The following SCUBE1 variants were observed in gnomAD, a reference collection of about 807,000 sequenced individuals.
SCUBE1 encodes the protein signal peptide, CUB domain and EGF like domain containing 1.
In SCUBE1, 59 loss-of-function variants were observed where a neutral mutation model predicts 124.4. The ratio of observed to expected loss-of-function variants is 0.47; its 90% confidence interval spans 0.38 to 0.59. The LOEUF (loss-of-function observed/expected upper bound fraction) is 0.59. Among genes scored for constraint, SCUBE1 ranks in the 20% least tolerant of loss-of-function variants. The pLI is 0.00. For missense variants in SCUBE1, 1,150 were observed against 1,371.2 expected, an observed-to-expected ratio of 0.84 and a Z score of 2.55; for synonymous variants, 545 against 550.9, an observed-to-expected ratio of 0.99 and a Z score of 0.15.
At chr22:43,296,761 C>T (rs1601869560) in intron 3 of SCUBE1, among the ~76,000 whole-genome samples, 1 of 138,562 alleles carries the variant, frequency 7.2e-6, no homozygotes, top group Non-Finnish European at 1.6e-5. Context: ...TTCCCTCTTC[C>T]GGGCCAAGGC....
chr22:43,287,333 T>C (rs1325644487), intron 4 of SCUBE1, among the ~76,000 whole-genome samples: 1 of 152,216 alleles, frequency 6.6e-6, no homozygotes, highest in Non-Finnish European at 1.5e-5. Context: ...TGCCCTTGAT[T>C]GACCAGAGCA....
intron 1 of SCUBE1, among the ~76,000 whole-genome samples, chr22:43,341,117 G>A (rs905254401): frequency 3.9e-5 from 6 of 152,014 alleles, no homozygotes; most frequent in Admixed American, 1.3e-4. Flanking sequence ...GCACGTGTGC[G>A]CACACACACG....
At chr22:43,335,483 G>A (rs1276979368) in intron 2 of SCUBE1, among the ~76,000 whole-genome samples, 1 of 152,116 alleles carries the variant, frequency 6.6e-6, no homozygotes, top group Non-Finnish European at 1.5e-5. Context: ...CCTCCTTTTG[G>A]TTCCTAACAA....
chr22:43,225,794 C>T (rs974240597), intron 10 of SCUBE1, among the ~76,000 whole-genome samples: 1 of 151,964 alleles, frequency 6.6e-6, no homozygotes, highest in African/African-American at 2.4e-5. Context: ...TAAACCTGCT[C>T]ACCACAGAGC....
intron 13 of SCUBE1, 135 bp downstream of exon 13, chr22:43,221,038 A>T: frequency 1.6e-6 from 1 of 641,196 alleles, no homozygotes; most frequent in Non-Finnish European, 2.7e-6. Context: ...CTCTCATTCA[A>T]TAAACAGCTG....
rs1250114286 is a variant in SCUBE1 at position 43,198,708 on chromosome 22, A to G, written c.*5289T>C. The stretch of plus-strand genomic sequence containing the variant: ...AGACTTCCTGAGCATGGACCAGGGG[A>G]GGTGAAAATGGCTGGACTCCCTGGG... On this transcript the variant is annotated 3_prime_UTR_variant, in exon 22 of 22. Coordinates refer to ENST00000360835, the MANE Select transcript of SCUBE1 (RefSeq NM_173050.5). 4.4e-6 allele frequency: 2 copies of G among 456,622 alleles called. No homozygotes were observed. Among genetic ancestry groups the G allele is most frequent in the Non-Finnish European group, 8.8e-6 (2 of 226,946 alleles). The allele number at this position is 456,622 out of a possible 1,614,324, so 28.3% of individuals were successfully genotyped here. A position where few individuals can be genotyped will look rare whatever the true frequency, so the allele number is the denominator to read the frequency against.
chr22:43,251,718 A>G (rs377694219), intron 6 of SCUBE1, among the ~76,000 whole-genome samples: 1 of 152,238 alleles, frequency 6.6e-6, no homozygotes, highest in Admixed American at 6.5e-5. Flanking sequence ...GACATCTTCA[A>G]TTTAGCCCAG....
chr22:43,229,015 C>G, intron 9 of SCUBE1, 57 bp downstream of exon 9: 1 of 1,281,728 alleles, frequency 7.8e-7, no homozygotes, highest in Non-Finnish European at 1.1e-6. Flanking sequence ...TGTAGGTGGC[C>G]GTGCGGCCAG....
chr22:43,302,390 G>C (rs928792094), intron 3 of SCUBE1, among the ~76,000 whole-genome samples: 11 of 152,294 alleles, frequency 7.2e-5, no homozygotes, highest in African/African-American at 2.2e-4. Flanking sequence ...AAGCGGTCTG[G>C]AGACACAGTG....
chr22:43,312,694 G>T (rs542542974), intron 3 of SCUBE1, among the ~76,000 whole-genome samples: 2 of 152,182 alleles, frequency 1.3e-5, no homozygotes, highest in Non-Finnish European at 2.9e-5. Context: ...GAGCTATGGG[G>T]TGGAGGCGCC....
rs1922376509 is a variant in SCUBE1 at position 43,227,590 on chromosome 22, C to T, written c.1085-94G>A. On this transcript the variant is annotated intron_variant, in intron 9 of 21. Transcript: ENST00000360835. The stretch of plus-strand genomic sequence containing the variant: ...CCCAGGGCAAGAGGGCAAGAATCTC[C>T]TGACCCCACCGAGTCGGACAGCATC... The T allele has an allele frequency of 3.3e-6, 5 of 1,501,314 alleles. No individual in the cohort carries two copies. The Admixed American group carries it at 5.4e-5, about 16-fold the overall frequency. The allele number at this position is 1,501,314 out of a possible 1,614,324, so 93.0% of individuals were successfully genotyped here. A position where few individuals can be genotyped will look rare whatever the true frequency, so the allele number is the denominator to read the frequency against.
chr22:43,244,552 G>C (rs957174674), intron 6 of SCUBE1, among the ~76,000 whole-genome samples: 2 of 152,248 alleles, frequency 1.3e-5, no homozygotes, highest in African/African-American at 2.4e-5. Context: ...GGGCAGGACT[G>C]AAGGGCGAAT....
chr22:43,275,997 G>A lies in SCUBE1; in HGVS notation c.485-13152C>T, dbSNP rs1224552518. ...GCAGGGCAACAGGGGTGAGGAAGCT[G>A]GCTGGGTTTGGGAGGTGAGTAGAGC... On this transcript the variant is annotated intron_variant, in intron 4 of 21. Transcript: ENST00000360835. The A allele has an allele frequency of 3.0e-5, 4 of 134,804 alleles. No homozygotes were observed. In the East Asian group the frequency reaches 1.2e-3, roughly 41 times the overall value. The allele number at this position is 134,804 out of a possible 1,614,324, so 8.4% of individuals were successfully genotyped here. A position where few individuals can be genotyped will look rare whatever the true frequency, so the allele number is the denominator to read the frequency against.
At chr22:43,215,561 C>G (rs919509383) in intron 15 of SCUBE1, among the ~76,000 whole-genome samples, 7 of 152,168 alleles carry the variant, frequency 4.6e-5, no homozygotes, top group African/African-American at 1.7e-4. Context: ...CAGTGGCGGG[C>G]TGGGGGTATC....
chr22:43,305,520 G>A (rs940263058), intron 3 of SCUBE1, among the ~76,000 whole-genome samples: 1 of 152,178 alleles, frequency 6.6e-6, no homozygotes, highest in Non-Finnish European at 1.5e-5. Context: ...CCAGGTAGGG[G>A]AATGGTGTGT....
chr22:43,198,307 G>C lies in SCUBE1; in HGVS notation c.*5690C>G. On this transcript the variant is annotated 3_prime_UTR_variant, in exon 22 of 22. Transcript: ENST00000360835. ...GGGCTCTGAGTGGCATGGTGCAGCA[G>C]GGGACTGGAGAGGCCTTGAGGCCAT... 4 of 347,752 alleles carry C rather than the reference G, an allele frequency of 1.2e-5. No individual in the cohort carries two copies. Among genetic ancestry groups the C allele is most frequent in the South Asian group, 8.6e-5 (4 of 46,310 alleles). The allele number at this position is 347,752 out of a possible 1,614,324, so 21.5% of individuals were successfully genotyped here. A position where few individuals can be genotyped will look rare whatever the true frequency, so the allele number is the denominator to read the frequency against.
Position 43,198,313 on chromosome 22 carries a change from T to C in SCUBE1, c.*5684A>G. Reference sequence around the variant, plus strand: ...TGAGTGGCATGGTGCAGCAGGGGACTGGAGAGGCCTTGAGGCCATCGCAGC... The same window carrying C: ...TGAGTGGCATGGTGCAGCAGGGGACCGGAGAGGCCTTGAGGCCATCGCAGC... On this transcript the variant is annotated 3_prime_UTR_variant, in exon 22 of 22. Coordinates refer to ENST00000360835, the MANE Select transcript of SCUBE1 (RefSeq NM_173050.5). 2.8e-6 allele frequency: 1 copy of C among 352,766 alleles called. No homozygotes were observed. Among genetic ancestry groups the C allele is most frequent in the South Asian group, 2.1e-5 (1 of 47,298 alleles). The allele number at this position is 352,766 out of a possible 1,614,324, so 21.9% of individuals were successfully genotyped here.
chr22:43,284,159 A>G (rs1182333035), intron 4 of SCUBE1, among the ~76,000 whole-genome samples: 1 of 152,258 alleles, frequency 6.6e-6, no homozygotes, highest in African/African-American at 2.4e-5. Context: ...AGCAGTGTCG[A>G]AAGAAAAGCG....
intron 4 of SCUBE1, among the ~76,000 whole-genome samples, chr22:43,271,622 C>A (rs561309145): frequency 6.6e-6 from 1 of 152,290 alleles, no homozygotes; most frequent in South Asian, 2.1e-4. Flanking sequence ...TAGAAACACA[C>A]GGCTCTGCCT....
Sources: allele counts gnomAD v4.1 joint callset (sites outside exome capture counted in the v4.1 genomes callset), GRCh38; gene constraint gnomAD v4.1.1; transcripts MANE v1.5; gene names NCBI Gene and HGNC (gene_info 2026-07-23, HGNC 2026-07-21).